The following SLC12A1 variants were observed in gnomAD, a reference collection of about 807,000 sequenced individuals.
SLC12A1 encodes Na-K-2Cl cotransporter.
Under a neutral mutation model 130.4 loss-of-function variants are expected in SLC12A1, and 89 were observed. That is an observed-to-expected ratio of 0.68 (90% CI 0.58 to 0.81). SLC12A1 has a LOEUF of 0.81. Among genes scored for constraint, SLC12A1 ranks in the 40% least tolerant of loss-of-function variants. The pLI, the probability that SLC12A1 is intolerant of heterozygous loss-of-function variation, is 0.00. For synonymous variants in SLC12A1, 499 were observed against 460.0 expected, an observed-to-expected ratio of 1.08 and a Z score of -1.09; for missense variants, 1,310 against 1,336.4, an observed-to-expected ratio of 0.98 and a Z score of 0.31.
chr15:48,230,346 C>T (rs1271891715), intron 6 of SLC12A1, 47 bp from the exon 7 acceptor site: 9 of 1,151,440 alleles, frequency 7.8e-6, no homozygotes, highest in Non-Finnish European at 1.2e-5. Context: ...ATAAGACTCA[C>T]ATGCAAAAAG....
At chr15:48,283,362 G>C (rs993472945) in intron 20 of SLC12A1, among the ~76,000 whole-genome samples, 1 of 152,290 alleles carries the variant, frequency 6.6e-6, no homozygotes, top group South Asian at 2.1e-4. Flanking sequence ...AGCTGTAATT[G>C]GTTGTGACCC....
chr15:48,259,954 G>C lies in SLC12A1; in HGVS notation c.2154+643G>C, dbSNP rs1283440280. On this transcript the variant is annotated intron_variant, in intron 17 of 26. Transcript: ENST00000380993. ...TGTTGACCAATTTCTCAAGTGTGGA[G>C]AAAGCATTAAAATAATAATAAAATA... 5.3e-5 allele frequency among the ~76,000 whole-genome samples: 8 copies of C among 152,164 alleles called. No homozygotes were observed. In the East Asian group the frequency reaches 1.5e-3, roughly 29 times the overall value.
chr15:48,278,704 G>A (rs1366008889), intron 20 of SLC12A1, among the ~76,000 whole-genome samples: 2 of 152,124 alleles, frequency 1.3e-5, no homozygotes, highest in Non-Finnish European at 2.9e-5. Flanking sequence ...CTTTTGTGCT[G>A]TAATGTTTTC....
intron 20 of SLC12A1, among the ~76,000 whole-genome samples, chr15:48,284,020 A>G (rs1165288210): frequency 6.6e-6 from 1 of 152,252 alleles, no homozygotes; most frequent in East Asian, 1.9e-4. Flanking sequence ...GGAATCCAAA[A>G]AAGATAAAAG....
chr15:48,295,171 A>G (rs1339894732), intron 24 of SLC12A1, among the ~76,000 whole-genome samples: 1 of 151,536 alleles, frequency 6.6e-6, no homozygotes, highest in Non-Finnish European at 1.5e-5. Context: ...TGGCTTCCCA[A>G]AGTGCTGGAA....
chr15:48,298,061 G>C (rs2042196583), intron 24 of SLC12A1, among the ~76,000 whole-genome samples: 1 of 152,168 alleles, frequency 6.6e-6, no homozygotes, highest in Non-Finnish European at 1.5e-5. Flanking sequence ...CACTAGTAGG[G>C]ACAATCCTGC....
Position 48,288,403 on chromosome 15 carries a change from A to C in SLC12A1, c.2762-2A>C. 1.4e-6 allele frequency: 2 copies of C among 1,401,000 alleles called. No homozygotes were observed. Among genetic ancestry groups the C allele is most frequent in the Non-Finnish European group, 2.0e-6 (2 of 1,013,092 alleles). The allele number at this position is 1,401,000 out of a possible 1,614,324, so 86.8% of individuals were successfully genotyped here. A position where few individuals can be genotyped will look rare whatever the true frequency, so the allele number is the denominator to read the frequency against. ...TGTGTCATAATTTATTCTTTATTCC[A>C]GGGTTAACACTTCTTATCCCCTATA... On this transcript the variant is annotated splice_acceptor_variant, in intron 22 of 26. Coordinates refer to ENST00000380993, the MANE Select transcript of SLC12A1 (RefSeq NM_000338.3). LOFTEE classifies it high-confidence loss of function.
At chr15:48,229,153 T>C in intron 5 of SLC12A1, 36 bp from the exon 6 acceptor site, 2 of 1,563,210 alleles carry the variant, frequency 1.3e-6, no homozygotes, top group Non-Finnish European at 1.7e-6. Context: ...AAACTAGCAG[T>C]TCCTCAATGT....
rs1018707916 is a variant in SLC12A1, at chr15:48,258,095, C to T, written c.2043-1105C>T. Among the ~76,000 whole-genome samples, 3 of 70,618 alleles carry T rather than the reference C, an allele frequency of 4.2e-5. 1 individual carries two copies. The highest frequency in any genetic ancestry group is 1.3e-4 in the Admixed American group (1 of 7,586). 46.3% of individuals were successfully genotyped at this position (70,618 alleles called of 152,430 possible). A position where few individuals can be genotyped will look rare whatever the true frequency, so the allele number is the denominator to read the frequency against. On this transcript the variant is annotated intron_variant, in intron 16 of 26. Transcript: ENST00000380993. Reference sequence around the variant, plus strand: ...TGACCTTTACGGCCGGGCGCGGTGGCTCACGCCTGTAATCCCAGCACTTTG... The same window carrying T: ...TGACCTTTACGGCCGGGCGCGGTGGTTCACGCCTGTAATCCCAGCACTTTG...
intron 15 of SLC12A1, among the ~76,000 whole-genome samples, chr15:48,252,245 G>A (rs1388969724): frequency 6.6e-6 from 1 of 152,156 alleles, no homozygotes; most frequent in African/African-American, 2.4e-5. Flanking sequence ...AGTTAACCTT[G>A]TTGAGCACCT....
At position 48,241,689 on chromosome 15, in the gene SLC12A1, A is replaced by G. The variant is rs531005565; in HGVS notation, c.1300+90A>G. ...TGAGCTTTCAATGCAGCATAAATAC[A>G]GAGTTTTTTAAAAGGCAACAATTTT... On this transcript the variant is annotated intron_variant, in intron 10 of 26. Coordinates refer to ENST00000380993, the MANE Select transcript of SLC12A1 (RefSeq NM_000338.3). The G allele has an allele frequency of 5.6e-6, 5 of 887,366 alleles. No homozygotes were observed. In the South Asian group the frequency reaches 5.7e-5, roughly 10 times the overall value. 55.0% of individuals were successfully genotyped at this position (887,366 alleles called of 1,614,324 possible).
At chr15:48,256,130 A>T (rs1255704523) in intron 16 of SLC12A1, among the ~76,000 whole-genome samples, 1 of 152,176 alleles carries the variant, frequency 6.6e-6, no homozygotes, top group Non-Finnish European at 1.5e-5. Flanking sequence ...AGCCCCTCAT[A>T]GTGCCAGGTG....
At chr15:48,251,206 TTC>T (rs1597428936) in intron 14 of SLC12A1, among the ~76,000 whole-genome samples, 1 of 151,932 alleles carries the variant, frequency 6.6e-6, no homozygotes, top group Non-Finnish European at 1.5e-5. Context: ...GCCCATTGTT[TTC>T]TCTTTTTCTT....
At chr15:48,217,717 G>A (rs2041141658) in intron 2 of SLC12A1, 1 of 152,168 alleles carries the variant, frequency 6.6e-6, no homozygotes, top group Admixed American at 6.5e-5. Flanking sequence ...AGGCAAGAAT[G>A]GATAAGAAAC....
chr15:48,239,606 C>A (rs890760273), intron 9 of SLC12A1, among the ~76,000 whole-genome samples: 1 of 151,902 alleles, frequency 6.6e-6, no homozygotes, highest in Non-Finnish European at 1.5e-5. Context: ...CATTTGAGAG[C>A]TTGTAGCAGA....
In SLC12A1 at chr15:48,259,210, A is replaced by T; in HGVS notation, c.2053A>T (p.Ile685Phe). The change falls in exon 17 of 27, where the codon ATT (isoleucine) becomes TTT (phenylalanine). Residue 685 changes from isoleucine to phenylalanine, a missense_variant. Transcript: ENST00000380993. ...TTTTTTTACTTCCAGGCCCCAGTGC[A>T]TTGTCTTAACAGGGGGACCCATGAC... ...DHVKNFRPQC[I>F]VLTGGPMTRP... is the part of the protein sequence containing the mutation. 6.2e-7 allele frequency: 1 copy of T among 1,610,912 alleles called. No homozygotes were observed.
At chr15:48,258,734 A>T (rs2141075009) in intron 16 of SLC12A1, among the ~76,000 whole-genome samples, 1 of 152,328 alleles carries the variant, frequency 6.6e-6, no homozygotes, top group Non-Finnish European at 1.5e-5. Context: ...GCTATGAAGA[A>T]ATATCCAAGA....
chr15:48,248,002 T>C (rs3784615), intron 13 of SLC12A1, among the ~76,000 whole-genome samples: 56,537 of 152,078 alleles, frequency 0.37, 14,909 homozygotes, highest in African/African-American at 0.74. Flanking sequence ...ACTATAATCT[T>C]GGCTTCCTCT....
Position 48,247,003 on chromosome 15 carries a change from C to A in SLC12A1, c.1547C>A (p.Pro516His), listed in dbSNP as rs556137575. The part of the protein sequence containing the change: ...SSALASLVSA[P>H]KVFQALCKDN... ...GCCCTGGCCTCCCTTGTCAGCGCAC[C>A]CAAAGTGTTCCAGGTAATACAAGCA... is the stretch of plus-strand genomic sequence containing the variant. The change falls in exon 12 of 27, where the codon CCC (proline) becomes CAC (histidine). Residue 516 changes from proline to histidine, a missense_variant. By Grantham distance (77) the Pro-to-His change is moderately conservative. Transcript: ENST00000380993. The A allele has an allele frequency of 6.2e-7, 1 of 1,612,898 alleles. No homozygotes were observed. The highest frequency in any genetic ancestry group is 1.7e-5 in the Admixed American group (1 of 60,018).
Sources: gnomAD v4.1 joint callset for allele counts (sites outside exome capture counted in the v4.1 genomes callset) on GRCh38, gnomAD v4.1.1 for gene constraint, MANE v1.5 for transcripts, NCBI Gene and HGNC (gene_info 2026-07-23, HGNC 2026-07-21) for gene names.